TCF4: variants seen among roughly 807,000 people sequenced by gnomAD.
TCF4 encodes SL3-3 enhancer factor 2.
Under a neutral mutation model 82.1 loss-of-function variants are expected in TCF4, and 3 were observed. That is an observed-to-expected ratio of 0.04 (90% CI 0.02 to 0.09). TCF4 has a LOEUF of 0.09. Among genes scored for constraint, TCF4 ranks in the 10% least tolerant of loss-of-function variants. The pLI is 1.00. For missense variants in TCF4, 518 were observed against 852.7 expected (o/e 0.61, Z 4.89); for synonymous variants, 276 against 309.6 (o/e 0.89, Z 1.14).
At chr18:55,305,899 A>T (rs2070151063) in intron 8 of TCF4, among the ~76,000 whole-genome samples, 1 of 152,142 alleles carries the variant, frequency 6.6e-6, no homozygotes, top group African/African-American at 2.4e-5. Flanking sequence ...GTAGTGTGTC[A>T]CTCCCACTCC....
intron 3 of TCF4, among the ~76,000 whole-genome samples, chr18:55,548,410 T>C (rs2097225480): frequency 6.6e-6 from 1 of 152,204 alleles, no homozygotes; most frequent in Non-Finnish European, 1.5e-5. Flanking sequence ...TGCTAGCATA[T>C]GCTGAATAAA....
chr18:55,618,156 G>A (rs556439479), intron 2 of TCF4, among the ~76,000 whole-genome samples: 10 of 152,090 alleles, frequency 6.6e-5, no homozygotes, highest in East Asian at 3.9e-4. Flanking sequence ...TAATTATAGC[G>A]TTCATTATAT....
rs533610342 is a variant in TCF4 at position 55,493,300 on chromosome 18, A to G, written c.146-29163T>C. 3.3e-5 allele frequency among the ~76,000 whole-genome samples: 5 copies of G among 152,296 alleles called. No homozygotes were observed. In the East Asian group the frequency reaches 7.7e-4, roughly 23 times the overall value. Reference sequence around the variant, plus strand: ...AAAACTCTTCTGCAGAATGTTCCACATGGGAGGTATTTCATGAAAAAAGGA... The same window carrying G: ...AAAACTCTTCTGCAGAATGTTCCACGTGGGAGGTATTTCATGAAAAAAGGA... On this transcript the variant is annotated intron_variant, in intron 3 of 19. Coordinates refer to ENST00000354452, the MANE Select transcript of TCF4 (RefSeq NM_001083962.2).
intron 16 of TCF4, among the ~76,000 whole-genome samples, chr18:55,233,192 G>A (rs2048380694): frequency 6.6e-6 from 1 of 152,162 alleles, no homozygotes; most frequent in Admixed American, 6.5e-5. Flanking sequence ...AAGGCAGTTT[G>A]CTACTCATTT....
chr18:55,635,951 A>T, exon 1 of TCF4: 1 of 1,583,010 alleles, frequency 6.3e-7, no homozygotes, highest in South Asian at 1.1e-5. Flanking sequence ...GTGATACTGT[A>T]GACATCAAGA....
At chr18:55,230,615 T>C (rs2047665758) in intron 17 of TCF4, 1 of 152,196 alleles carries the variant, frequency 6.6e-6, no homozygotes, top group Non-Finnish European at 1.5e-5. Context: ...ACCTAAAGGG[T>C]AATTTCACAC....
intron 5 of TCF4, among the ~76,000 whole-genome samples, chr18:55,435,084 A>C (rs1197150292): frequency 6.6e-6 from 1 of 152,120 alleles, no homozygotes; most frequent in African/African-American, 2.4e-5. Context: ...CTTATTTAAC[A>C]AATAAACCTT....
Position 55,254,576 on chromosome 18 carries a change from G to T in TCF4, c.1271C>A (p.Pro424His). Residue 424 changes from proline (P) to histidine (H), a missense_variant, in exon 15 of 20, where the codon CCT becomes CAT. By Grantham distance (77) the Pro-to-His change is moderately conservative. Transcript: ENST00000354452. ...GHGDMHGIIG[P>H]SHNGAMGGLG... ...ACCACCCATGGCTCCATTATGAGAAGGTCCAATGATTCCATGCATGTCCCC... is the reference window on the plus strand; with the variant it reads ...ACCACCCATGGCTCCATTATGAGAATGTCCAATGATTCCATGCATGTCCCC... 6.2e-7 allele frequency: 1 copy of T among 1,613,762 alleles called. No individual in the cohort carries two copies. Among genetic ancestry groups the T allele is most frequent in the Non-Finnish European group, 8.5e-7 (1 of 1,179,842 alleles).
intron 3 of TCF4, among the ~76,000 whole-genome samples, chr18:55,470,074 A>G (rs994454159): frequency 6.6e-6 from 1 of 152,130 alleles, no homozygotes; most frequent in Admixed American, 6.6e-5. Context: ...AGAAGTGAAA[A>G]CCCAAGACAT....
intron 3 of TCF4, among the ~76,000 whole-genome samples, chr18:55,570,107 C>T (rs901773371): frequency 6.6e-6 from 1 of 152,142 alleles, no homozygotes; most frequent in Non-Finnish European, 1.5e-5. Context: ...CCCACAAATA[C>T]AGGAACTAAA....
intron 6 of TCF4, among the ~76,000 whole-genome samples, chr18:55,363,353 C>T (rs2085987484): frequency 6.6e-6 from 1 of 152,082 alleles, no homozygotes; most frequent in African/African-American, 2.4e-5. Flanking sequence ...GTTTTTGCTT[C>T]ACACTTCATA....
At chr18:55,390,977 C>T (rs1306548165) in intron 6 of TCF4, among the ~76,000 whole-genome samples, 1 of 152,190 alleles carries the variant, frequency 6.6e-6, no homozygotes, top group East Asian at 1.9e-4. Flanking sequence ...GAGTAGCATT[C>T]TGGGGAAGAA....
At chr18:55,365,175 A>G (rs2086567138) in intron 6 of TCF4, among the ~76,000 whole-genome samples, 1 of 128,138 alleles carries the variant, frequency 7.8e-6, no homozygotes, top group South Asian at 2.4e-4. Flanking sequence ...ATATATATAT[A>G]TATATATATA....
At chr18:55,361,927 G>A (rs576713583) in intron 6 of TCF4, among the ~76,000 whole-genome samples, 3 of 152,196 alleles carry the variant, frequency 2.0e-5, no homozygotes, top group East Asian at 1.9e-4. Flanking sequence ...GTATCCACCC[G>A]AGATTATCTG....
intron 8 of TCF4, among the ~76,000 whole-genome samples, chr18:55,290,845 C>A (rs938530843): frequency 9.2e-5 from 14 of 151,994 alleles, no homozygotes; most frequent in African/African-American, 3.4e-4. Context: ...TTCTAACAGA[C>A]ATAAAATGAT....
At chr18:55,559,471 C>A (rs1181427863) in intron 3 of TCF4, among the ~76,000 whole-genome samples, 4 of 151,956 alleles carry the variant, frequency 2.6e-5, no homozygotes, top group Non-Finnish European at 5.9e-5. Flanking sequence ...TGAATATATT[C>A]TTTAAAAAAG....
chr18:55,389,110 A>G (rs2092854551), intron 6 of TCF4, among the ~76,000 whole-genome samples: 1 of 152,152 alleles, frequency 6.6e-6, no homozygotes, highest in Admixed American at 6.5e-5. Context: ...TGGGTGACAG[A>G]GCGAGACTCC....
At chr18:55,503,745 G>A (rs2096724452) in intron 3 of TCF4, among the ~76,000 whole-genome samples, 2 of 152,212 alleles carry the variant, frequency 1.3e-5, no homozygotes, top group Non-Finnish European at 2.9e-5. Flanking sequence ...ACATACAGGA[G>A]GGAGCAGAGA....
At chr18:55,351,239 A>AT (rs776635270) in intron 6 of TCF4, 30 of 486,542 alleles carry the variant, frequency 6.2e-5, no homozygotes, top group East Asian at 3.6e-4. Context: ...TTTAAACAAT[A>AT]TTTTTTTAAG....
Sources: gnomAD v4.1 joint callset for allele counts (sites outside exome capture counted in the v4.1 genomes callset) on GRCh38, gnomAD v4.1.1 for gene constraint, MANE v1.5 for transcripts, NCBI Gene and HGNC (gene_info 2026-07-23, HGNC 2026-07-21) for gene names.